EXOC1: variants seen among roughly 807,000 people sequenced by gnomAD.
EXOC1 encodes exocyst complex component 1.
In EXOC1, 67 loss-of-function variants were observed where a neutral mutation model predicts 107.7. That is an observed-to-expected ratio of 0.62 (90% CI 0.51 to 0.76). The LOEUF is 0.76. Ranked by LOEUF, EXOC1 falls within the 30% of genes least tolerant of loss-of-function variation. The pLI is 0.00. For missense variants in EXOC1, 833 were observed against 1,055.7 expected (o/e 0.79, Z 2.92); for synonymous variants, 348 against 353.5 (o/e 0.98, Z 0.17).
At chr4:55,880,477 T>C (rs1316457321) in intron 9 of EXOC1, among the ~76,000 whole-genome samples, 2 of 152,120 alleles carry the variant, frequency 1.3e-5, no homozygotes, top group Non-Finnish European at 2.9e-5. Flanking sequence ...GATTTGGAGA[T>C]ATCTTAAGGA....
chr4:55,880,955 A>G (rs1188538390), intron 9 of EXOC1, among the ~76,000 whole-genome samples: 1 of 152,210 alleles, frequency 6.6e-6, no homozygotes, highest in Non-Finnish European at 1.5e-5. Flanking sequence ...AAAGGAATGA[A>G]GAAAAAAGAA....
At chr4:55,874,320 C>T (rs546285945) in intron 8 of EXOC1, among the ~76,000 whole-genome samples, 4 of 152,092 alleles carry the variant, frequency 2.6e-5, no homozygotes, top group African/African-American at 7.2e-5. Context: ...AAATAAAATT[C>T]GGAGACTGAC....
At chr4:55,872,171 G>A (rs893260779) in intron 8 of EXOC1, among the ~76,000 whole-genome samples, 1 of 152,100 alleles carries the variant, frequency 6.6e-6, no homozygotes, top group Non-Finnish European at 1.5e-5. Flanking sequence ...GTTCCTTTCA[G>A]CTGATGCTCT....
chr4:55,887,033 A>G (rs1723952952), intron 10 of EXOC1, among the ~76,000 whole-genome samples: 1 of 152,182 alleles, frequency 6.6e-6, no homozygotes, highest in East Asian at 1.9e-4. Flanking sequence ...AAAGGCATGG[A>G]ATTTTTTCCC....
intron 17 of EXOC1, chr4:55,902,123 TCTC>T (rs142886715): frequency 0.042 from 13,789 of 325,452 alleles, 862 homozygotes; most frequent in Admixed American, 0.18. Flanking sequence ...GAAATTTTAA[TCTC>T]CTGTATGTAT....
intron 8 of EXOC1, chr4:55,875,527 A>G (rs1043812204): frequency 2.0e-6 from 2 of 978,490 alleles, no homozygotes; most frequent in African/African-American, 1.8e-5. Flanking sequence ...CCTGGGTTCA[A>G]AATCCTGACT....
intron 17 of EXOC1, chr4:55,900,442 G>A (rs1159550175): frequency 6.6e-6 from 1 of 150,942 alleles, no homozygotes; most frequent in East Asian, 1.9e-4. Context: ...TTCCTTACTT[G>A]AGTCATTTCC....
chr4:55,867,366 A>G (rs1464726776), intron 4 of EXOC1, among the ~76,000 whole-genome samples: 1 of 152,178 alleles, frequency 6.6e-6, no homozygotes, highest in Non-Finnish European at 1.5e-5. Context: ...CTGAATGTAA[A>G]TATTCATTTT....
chr4:55,857,138 G>T (rs1297022007), intron 1 of EXOC1, among the ~76,000 whole-genome samples: 2 of 136,452 alleles, frequency 1.5e-5, no homozygotes, highest in Non-Finnish European at 3.2e-5. Context: ...CAATATTTTA[G>T]CATGTTTCAT....
chr4:55,857,168 C>CTTTTTT (rs71192052), intron 1 of EXOC1, among the ~76,000 whole-genome samples: 22 of 65,766 alleles, frequency 3.3e-4, no homozygotes, highest in South Asian at 6.6e-4. Flanking sequence ...TCCTTTTTTT[C>CTTTTTT]TTTTTTTTTT....
In EXOC1 at chr4:55,890,339, A is replaced by G. The variant is rs1724371425; in HGVS notation, c.1492A>G (p.Met498Val). Residue 498 changes from methionine to valine, a missense_variant, in exon 12 of 19, where the codon ATG becomes GTG. Coordinates refer to ENST00000381295, the MANE Select transcript of EXOC1 (RefSeq NM_001024924.2). The part of the protein sequence containing the change: ...QSSSLLDMGN[M>V]SASDLDVADR... ...ATCTTCCCTGTTGGATATGGGAAAC[A>G]TGTCTGCCTCTGATCTCGATGTTGC... is the stretch of plus-strand genomic sequence containing the variant. 1 of 1,614,064 alleles carries G rather than the reference A, an allele frequency of 6.2e-7. No homozygotes were observed. The highest frequency in any genetic ancestry group is 8.5e-7 in the Non-Finnish European group (1 of 1,179,972).
intron 10 of EXOC1, among the ~76,000 whole-genome samples, chr4:55,887,073 C>T (rs572423108): frequency 6.8e-4 from 103 of 152,104 alleles, no homozygotes; most frequent in African/African-American, 2.4e-3. Flanking sequence ...GTATTTTTTT[C>T]CTTTGTATTC....
Position 55,856,513 on chromosome 4 carries a change from T to C in EXOC1, c.-10-1801T>C, listed in dbSNP as rs564213640. ...AAGTTTTACAGATTGAGTAAAATAT[T>C]GGAAAGACTTGTTTTACAAAATAGT... On this transcript the variant is annotated intron_variant, in intron 1 of 18. Coordinates refer to ENST00000381295, the MANE Select transcript of EXOC1 (RefSeq NM_001024924.2). 1.2e-4 allele frequency among the ~76,000 whole-genome samples: 18 copies of C among 152,314 alleles called. No individual in the cohort carries two copies. The South Asian group carries it at 3.7e-3, about 32-fold the overall frequency.
At chr4:55,879,651 T>C (rs1723204234) in intron 9 of EXOC1, among the ~76,000 whole-genome samples, 1 of 152,236 alleles carries the variant, frequency 6.6e-6, no homozygotes, top group Admixed American at 6.5e-5. Flanking sequence ...CTGGCATTTA[T>C]GCTGTTGATC....
At chr4:55,861,776 A>G (rs1011936725) in intron 3 of EXOC1, among the ~76,000 whole-genome samples, 1 of 152,244 alleles carries the variant, frequency 6.6e-6, no homozygotes, top group Non-Finnish European at 1.5e-5. Context: ...AATTTAGGCC[A>G]GGCGTGGTGG....
At position 55,893,750 on chromosome 4, in the gene EXOC1, G is replaced by A; in HGVS notation, c.1923G>A (p.Val641=). ...FLSTTLGNVL[V]TVKRNFDKCI... ...GTACTACATTGGGAAATGTTTTGGT[G>A]ACTGTCAAAAGGAACTTTGACAAAT... Residue 641 remains valine, a synonymous_variant, in exon 15 of 19, where the codon GTG becomes GTA. Transcript: ENST00000381295. The A allele has an allele frequency of 1.2e-6, 2 of 1,613,752 alleles. No homozygotes were observed. The highest frequency in any genetic ancestry group is 2.2e-5 in the South Asian group (2 of 90,922).
Position 55,858,462 on chromosome 4 carries a change from AG to A in EXOC1, c.124+16del, listed in dbSNP as rs1283703556. On this transcript the variant is annotated intron_variant, in intron 2 of 18. Coordinates refer to ENST00000381295, the MANE Select transcript of EXOC1 (RefSeq NM_001024924.2). ...ATGTGCCACAGGTGGGTATTTAGTA[AG>A]AAAGAGTACTTGTTTTGTATCCTTT... is the stretch of plus-strand genomic sequence containing the variant. 1 of 1,574,884 alleles carries A rather than the reference AG, an allele frequency of 6.3e-7. No individual in the cohort carries two copies. The highest frequency in any genetic ancestry group is 2.3e-5 in the East Asian group (1 of 43,800).
At chr4:55,896,691 C>T in intron 15 of EXOC1, 26 bp from the exon 16 acceptor site, 1 of 1,542,892 alleles carries the variant, frequency 6.5e-7, no homozygotes, top group African/African-American at 1.4e-5. Context: ...GGTTATTTAT[C>T]TCCCTTGCTC....
Position 55,877,920 on chromosome 4 carries a change from C to A in EXOC1, c.1078C>A (p.His360Asn). 6.2e-7 allele frequency: 1 copy of A among 1,613,462 alleles called. No homozygotes were observed. The highest frequency in any genetic ancestry group is 1.1e-5 in the South Asian group (1 of 91,040). The part of the protein sequence containing the change: ...HLNNVFVQQG[H>N]DQSSTLAQHS... ...TTACTTATTTTACTCACTTTAGGGT[C>A]ATGATCAGAGTTCGACTCTTGCCCA... Residue 360 changes from histidine to asparagine, a missense_variant, in exon 9 of 19, where the codon CAT becomes AAT. Around this residue, in one of 2 missense-constraint regions of EXOC1, gnomAD observed 617 missense variants for 701.3 expected, o/e 0.88. Transcript: ENST00000381295.
Sources: gnomAD v4.1 joint callset for allele counts (sites outside exome capture counted in the v4.1 genomes callset) on GRCh38, gnomAD v4.1.1 for gene constraint, gnomAD v4.1.1 regional missense constraint, MANE v1.5 for transcripts, NCBI Gene and HGNC (gene_info 2026-07-23, HGNC 2026-07-21) for gene names.